The following TTC7B variants were observed in gnomAD, a reference collection of about 807,000 sequenced individuals.
The protein encoded by TTC7B is tetratricopeptide repeat domain 7B.
TTC7B carries 28 observed loss-of-function variants against 106.8 expected under a neutral mutation model. That is an observed-to-expected ratio of 0.26 (90% CI 0.19 to 0.36). The LOEUF (loss-of-function observed/expected upper bound fraction) is 0.36, where lower values mean the gene tolerates loss of function less well. Ranked by LOEUF, TTC7B falls within the 10% of genes least tolerant of loss-of-function variation. The pLI, the probability that TTC7B is intolerant of heterozygous loss-of-function variation, is 1.00. For missense variants in TTC7B, 862 were observed against 1,076.4 expected (o/e 0.80, Z 2.79); for synonymous variants, 405 against 430.6 (o/e 0.94, Z 0.74).
At chr14:90,590,175 C>T (rs533856370) in intron 18 of TTC7B, among the ~76,000 whole-genome samples, 1 of 152,308 alleles carries the variant, frequency 6.6e-6, no homozygotes, top group South Asian at 2.1e-4. Flanking sequence ...GAGCACCTAT[C>T]ATACAGAAAG....
chr14:90,627,165 A>T (rs556662985), intron 15 of TTC7B, among the ~76,000 whole-genome samples: 82 of 152,104 alleles, frequency 5.4e-4, no homozygotes, highest in African/African-American at 1.9e-3. Context: ...AAAATTTTTT[A>T]GTAGATATGG....
intron 15 of TTC7B, among the ~76,000 whole-genome samples, chr14:90,626,504 T>A (rs1884447401): frequency 6.6e-6 from 1 of 152,174 alleles, no homozygotes; most frequent in Non-Finnish European, 1.5e-5. Flanking sequence ...CCATTCATAC[T>A]GTCACCCCCA....
intron 16 of TTC7B, among the ~76,000 whole-genome samples, chr14:90,611,464 T>C (rs750185221): frequency 6.6e-6 from 1 of 152,206 alleles, no homozygotes; most frequent in Non-Finnish European, 1.5e-5. Context: ...GCACTCATTC[T>C]GGGGTCCCCA....
intron 12 of TTC7B, among the ~76,000 whole-genome samples, chr14:90,653,931 G>A (rs1475430484): frequency 6.6e-6 from 1 of 152,210 alleles, no homozygotes; most frequent in Non-Finnish European, 1.5e-5. Context: ...CTCACTCAAA[G>A]TCTACTATGT....
chr14:90,605,612 G>T (rs1223197145), intron 17 of TTC7B: 1 of 1,284,610 alleles, frequency 7.8e-7, no homozygotes, highest in Non-Finnish European at 1.0e-6. Context: ...GAGGGTTCCC[G>T]GCGGGGACCT....
chr14:90,645,950 A>G (rs1328331747), intron 14 of TTC7B, among the ~76,000 whole-genome samples: 1 of 152,228 alleles, frequency 6.6e-6, no homozygotes, highest in Non-Finnish European at 1.5e-5. Flanking sequence ...AGGCTGCTAC[A>G]GGAGCAAGGC....
At chr14:90,554,052 C>T (rs7141121) in intron 19 of TTC7B, among the ~76,000 whole-genome samples, 47,417 of 152,186 alleles carry the variant, frequency 0.31, 8,752 homozygotes, top group Admixed American at 0.42. Context: ...ATCAGCCTTG[C>T]GTGAATCTCA....
chr14:90,645,944 T>C (rs1224675431), intron 14 of TTC7B, among the ~76,000 whole-genome samples: 1 of 152,186 alleles, frequency 6.6e-6, no homozygotes, highest in East Asian at 1.9e-4. Flanking sequence ...AAGTGCAGGC[T>C]GCTACAGGAG....
At chr14:90,748,438 C>T (rs752241402) in intron 3 of TTC7B, among the ~76,000 whole-genome samples, 100 of 152,228 alleles carry the variant, frequency 6.6e-4, no homozygotes, top group Non-Finnish European at 5.3e-4. Context: ...AAGCGATTCT[C>T]GTGCCTCAGC....
Position 90,543,499 on chromosome 14 carries a change from A to C in TTC7B, c.2311-1910T>G, listed in dbSNP as rs918291024. ...TATCAAACTTCTGCATCAGCACCAC[A>C]GTTTTCATTTCTGTTACTCCCAAAA... is the stretch of plus-strand genomic sequence containing the variant. On this transcript the variant is annotated intron_variant, in intron 19 of 19. Transcript: ENST00000328459. Among the ~76,000 whole-genome samples the C allele has an allele frequency of 2.0e-5, 3 of 152,210 alleles. No individual in the cohort carries two copies. In the East Asian group the frequency reaches 5.8e-4, roughly 29 times the overall value.
intron 3 of TTC7B, among the ~76,000 whole-genome samples, chr14:90,779,467 G>A (rs1404664086): frequency 6.6e-6 from 1 of 152,078 alleles, no homozygotes; most frequent in Admixed American, 6.5e-5. Context: ...ACCACACCCG[G>A]CTAATTTTTG....
At chr14:90,725,994 A>C (rs989312591) in intron 5 of TTC7B, among the ~76,000 whole-genome samples, 10 of 152,162 alleles carry the variant, frequency 6.6e-5, no homozygotes, top group African/African-American at 2.2e-4. Context: ...TAATCCCAAC[A>C]CTTTGGGAGG....
chr14:90,703,886 G>A (rs1021912398), intron 5 of TTC7B, among the ~76,000 whole-genome samples: 15 of 152,320 alleles, frequency 9.8e-5, no homozygotes, highest in Admixed American at 6.5e-4. Context: ...CAGATAACCC[G>A]CTTGGGCCTG....
Position 90,657,583 on chromosome 14 carries a change from A to G in TTC7B, c.1237-305T>C. The G allele has an allele frequency of 3.8e-6, 1 of 262,582 alleles. No individual in the cohort carries two copies. Among genetic ancestry groups the G allele is most frequent in the Non-Finnish European group, 7.3e-6 (1 of 136,964 alleles). 16.3% of individuals were successfully genotyped at this position (262,582 alleles called of 1,614,324 possible). ...AGATGGTGGAAGTTTGTTCTTATAA[A>G]AGGTAAATATCTAATTTAAGGCACA... On this transcript the variant is annotated intron_variant, in intron 10 of 19. Transcript: ENST00000328459. This position sits in a 1 kb window ranked among gnomAD's most constrained non-coding sequence, Gnocchi z 4.2.
chr14:90,789,375 G>C (rs963064844), intron 1 of TTC7B, among the ~76,000 whole-genome samples: 6 of 152,100 alleles, frequency 3.9e-5, no homozygotes, highest in African/African-American at 1.4e-4. Flanking sequence ...TGGGATTACA[G>C]GCATGAGCCA....
rs199625246 is a variant in TTC7B, at chr14:90,764,446, GA to G, written c.445+16291del. 6.4e-4 allele frequency among the ~76,000 whole-genome samples: 95 copies of G among 148,654 alleles called. No individual in the cohort carries two copies. The East Asian group carries it at 7.7e-3, about 12-fold the overall frequency. On this transcript the variant is annotated intron_variant, in intron 3 of 19. Transcript: ENST00000328459. Reference sequence around the variant, plus strand: ...AACCAAAACAACAAAAATAATAAAAGAAAAAAAAATGAACTGGACTTAATCA... The same window carrying G: ...AACCAAAACAACAAAAATAATAAAAGAAAAAAAATGAACTGGACTTAATCA...
At chr14:90,646,824 G>C in intron 14 of TTC7B, 127 bp downstream of exon 14, 1 of 872,240 alleles carries the variant, frequency 1.1e-6, no homozygotes, top group South Asian at 1.5e-5. Context: ...CTCTGAGAAG[G>C]GTTCCTGGCT....
At chr14:90,602,056 G>A (rs1311064532) in intron 17 of TTC7B, 2 of 453,676 alleles carry the variant, frequency 4.4e-6, no homozygotes, top group East Asian at 7.0e-5. Context: ...GCACATCTAG[G>A]TTGAGCTGGA....
At position 90,541,318 on chromosome 14, in the gene TTC7B, C is replaced by T. The variant is rs753561966; in HGVS notation, c.*50G>A. 4.3e-5 allele frequency: 65 copies of T among 1,511,714 alleles called. No homozygotes were observed. The highest frequency in any genetic ancestry group is 5.9e-5 in the Admixed American group (3 of 51,234). 93.6% of individuals were successfully genotyped at this position (1,511,714 alleles called of 1,614,324 possible). A position where few individuals can be genotyped will look rare whatever the true frequency, so the allele number is the denominator to read the frequency against. ...GGGCGATGGCACAAGCCCTGGTGCC[C>T]GGCAGGGCCTCTGAGGCCTGAGCGG... On this transcript the variant is annotated 3_prime_UTR_variant, in exon 20 of 20. Transcript: ENST00000328459.
Sources: allele counts gnomAD v4.1 joint callset (sites outside exome capture counted in the v4.1 genomes callset), GRCh38; gene constraint gnomAD v4.1.1; non-coding constraint Gnocchi (gnomAD v3.1); transcripts MANE v1.5; gene names NCBI Gene and HGNC (gene_info 2026-07-23, HGNC 2026-07-21).